TRAPPC9: variants seen among roughly 807,000 people sequenced by gnomAD.
The protein encoded by TRAPPC9 is trafficking protein particle complex subunit 9.
In TRAPPC9, 83 loss-of-function variants were observed where a neutral mutation model predicts 124.0. The ratio of observed to expected loss-of-function variants is 0.67; its 90% CI spans 0.56 to 0.80. TRAPPC9 has a LOEUF of 0.80. Ranked by LOEUF, TRAPPC9 falls within the 30% of genes least tolerant of loss-of-function variation. The pLI is 0.00. For missense variants in TRAPPC9, 1,302 were observed against 1,508.3 expected, an observed-to-expected ratio of 0.86 and a Z score of 2.27; for synonymous variants, 638 against 617.5, an observed-to-expected ratio of 1.03 and a Z score of -0.49.
At chr8:140,282,748 C>T (rs574571213) in intron 14 of TRAPPC9, among the ~76,000 whole-genome samples, 1 of 152,182 alleles carries the variant, frequency 6.6e-6, no homozygotes, top group South Asian at 2.1e-4. Flanking sequence ...ATCTATAATA[C>T]TATATATGAT....
intron 9 of TRAPPC9, among the ~76,000 whole-genome samples, chr8:140,315,175 T>C (rs1376719255): frequency 6.6e-6 from 1 of 151,730 alleles, no homozygotes; most frequent in Non-Finnish European, 1.5e-5. Context: ...CATTTGCATT[T>C]CCCTGATGAT....
intron 18 of TRAPPC9, among the ~76,000 whole-genome samples, chr8:140,005,493 TG>T (rs1838689424): frequency 6.6e-6 from 1 of 152,090 alleles, no homozygotes; most frequent in African/African-American, 2.4e-5. Flanking sequence ...GGTGAAGTTT[TG>T]GGGGTAAACG....
intron 21 of TRAPPC9, among the ~76,000 whole-genome samples, chr8:139,882,602 C>T (rs1390581779): frequency 2.6e-5 from 4 of 152,178 alleles, no homozygotes; most frequent in Non-Finnish European, 5.9e-5. Flanking sequence ...TCTGCGCAGG[C>T]CTGGTCCCAC....
chr8:139,804,660 C>T lies in TRAPPC9; in HGVS notation c.3056-72458G>A, dbSNP rs547312475. 1.6e-3 allele frequency among the ~76,000 whole-genome samples: 210 copies of T among 135,400 alleles called. 5 individuals carry two copies. The highest frequency in any genetic ancestry group is 4.4e-3 in the East Asian group (19 of 4,314). The allele number at this position is 135,400 out of a possible 152,430, so 88.8% of individuals were successfully genotyped here. ...AAGCACCACCGCCACCACCCACCAC[C>T]GCCACCAAGCACCACCACCACACAC... On this transcript the variant is annotated intron_variant, in intron 21 of 22. Transcript: ENST00000438773.
At chr8:139,933,479 T>C (rs1007930342) in intron 19 of TRAPPC9, 1 of 152,246 alleles carries the variant, frequency 6.6e-6, no homozygotes, top group African/African-American at 2.4e-5. Context: ...GGGGGCAGAA[T>C]AGGACCCATT....
intron 19 of TRAPPC9, 47 bp from the exon 20 acceptor site, chr8:139,910,347 T>C (rs748491933): frequency 2.5e-6 from 4 of 1,604,384 alleles, no homozygotes; most frequent in African/African-American, 1.3e-5. Flanking sequence ...AGTAGGGCAA[T>C]TTCTGCCGGC....
At chr8:140,031,991 AC>A (rs1316101434) in intron 17 of TRAPPC9, among the ~76,000 whole-genome samples, 6 of 152,006 alleles carry the variant, frequency 3.9e-5, no homozygotes, top group African/African-American at 1.5e-4. Flanking sequence ...GGGACCCCCA[AC>A]CTAACTCCCT....
intron 20 of TRAPPC9, among the ~76,000 whole-genome samples, chr8:139,889,858 C>T (rs2131144678): frequency 6.6e-6 from 1 of 152,330 alleles, no homozygotes; most frequent in East Asian, 1.9e-4. Context: ...TTGCAGGCAG[C>T]TTCCTCCAAT....
intron 17 of TRAPPC9, among the ~76,000 whole-genome samples, chr8:140,086,676 C>A (rs1389366888): frequency 6.6e-6 from 1 of 152,186 alleles, no homozygotes; most frequent in Non-Finnish European, 1.5e-5. Flanking sequence ...AATCCCAGCA[C>A]TTTGGGCGGC....
chr8:139,968,872 A>T (rs1433110907), intron 19 of TRAPPC9, among the ~76,000 whole-genome samples: 1 of 152,202 alleles, frequency 6.6e-6, no homozygotes, highest in East Asian at 1.9e-4. Context: ...TGGTGAAGGA[A>T]GGACTCTAAC....
At chr8:140,305,681 T>C (rs1388232267) in intron 10 of TRAPPC9, among the ~76,000 whole-genome samples, 1 of 152,214 alleles carries the variant, frequency 6.6e-6, no homozygotes, top group Non-Finnish European at 1.5e-5. Context: ...TTTGATTTAA[T>C]TTAACATGTA....
intron 17 of TRAPPC9, among the ~76,000 whole-genome samples, chr8:140,107,312 T>C (rs1400778005): frequency 6.6e-6 from 1 of 152,168 alleles, no homozygotes; most frequent in African/African-American, 2.4e-5. Context: ...AATGGAAGGC[T>C]TTTTACGGTC....
At chr8:140,179,528 A>G (rs967046690) in intron 17 of TRAPPC9, among the ~76,000 whole-genome samples, 2 of 152,126 alleles carry the variant, frequency 1.3e-5, no homozygotes, top group Non-Finnish European at 2.9e-5. Flanking sequence ...TTCAATGTGT[A>G]TTTGAAAATA....
intron 21 of TRAPPC9, among the ~76,000 whole-genome samples, chr8:139,841,242 T>C (rs939274843): frequency 6.6e-6 from 1 of 152,198 alleles, no homozygotes; most frequent in African/African-American, 2.4e-5. Context: ...GAAAGGACCT[T>C]CGTGATTACC....
In TRAPPC9 at chr8:140,424,626, T is replaced by A. The variant is rs60396491; in HGVS notation, c.886+1989A>T. 4.5e-3 allele frequency among the ~76,000 whole-genome samples: 619 copies of A among 138,338 alleles called. 3 individuals are homozygous for A. The highest frequency in any genetic ancestry group is 0.016 in the African/African-American group (586 of 36,692). 90.8% of individuals were successfully genotyped at this position (138,338 alleles called of 152,430 possible). A position where few individuals can be genotyped will look rare whatever the true frequency, so the allele number is the denominator to read the frequency against. On this transcript the variant is annotated intron_variant, in intron 5 of 22. Coordinates refer to ENST00000438773, the MANE Select transcript of TRAPPC9 (RefSeq NM_001160372.4). ...CTGCACTCCAGCCTTGGCGGCAGAGTGAGAACCTGTCTCCAAAAAAAAAAA... is the reference window on the plus strand; with the variant it reads ...CTGCACTCCAGCCTTGGCGGCAGAGAGAGAACCTGTCTCCAAAAAAAAAAA...
intron 20 of TRAPPC9, among the ~76,000 whole-genome samples, chr8:139,898,773 T>C (rs181911199): frequency 1.2e-4 from 19 of 152,060 alleles, no homozygotes; most frequent in Admixed American, 4.6e-4. Context: ...CAGATCTCAA[T>C]CCCTTCCGTG....
intron 21 of TRAPPC9, among the ~76,000 whole-genome samples, chr8:139,877,656 G>A (rs1158833649): frequency 1.3e-5 from 2 of 152,138 alleles, no homozygotes; most frequent in African/African-American, 4.8e-5. Flanking sequence ...ACTGCCCGTA[G>A]TCTGGCATCA....
At chr8:140,420,603 A>AT (rs923851506) in intron 5 of TRAPPC9, among the ~76,000 whole-genome samples, 8 of 151,322 alleles carry the variant, frequency 5.3e-5, no homozygotes, top group African/African-American at 1.5e-4. Flanking sequence ...TTGTTTTTAC[A>AT]TTTTTTTTTC....
intron 21 of TRAPPC9, among the ~76,000 whole-genome samples, chr8:139,761,462 G>C (rs1047570485): frequency 6.6e-6 from 1 of 152,148 alleles, no homozygotes; most frequent in Non-Finnish European, 1.5e-5. Flanking sequence ...AGTTCTGGGC[G>C]GGAAAGTGAT....
Sources: allele counts gnomAD v4.1 joint callset (sites outside exome capture counted in the v4.1 genomes callset), GRCh38; gene constraint gnomAD v4.1.1; transcripts MANE v1.5; gene names NCBI Gene and HGNC (gene_info 2026-07-23, HGNC 2026-07-21).